Variants in GFOD2 observed in about 807,000 individuals in gnomAD.
GFOD2 encodes the protein Gfo/Idh/MocA-like oxidoreductase domain containing 2.
GFOD2 carries 9 observed loss-of-function variants against 24.6 expected under a neutral mutation model. The ratio of observed to expected loss-of-function variants is 0.37; its 90% CI spans 0.22 to 0.64. The LOEUF (loss-of-function observed/expected upper bound fraction) is 0.64, where lower values mean the gene tolerates loss of function less well. GFOD2 is among the 30% of genes least tolerant of loss of function. GFOD2 has a pLI of 0.65. For synonymous variants in GFOD2, 211 were observed against 224.8 expected, an observed-to-expected ratio of 0.94 and a Z score of 0.55; for missense variants, 476 against 532.5, an observed-to-expected ratio of 0.89 and a Z score of 1.04.
rs771890577 is a variant in GFOD2 at position 67,675,203 on chromosome 16, G to A, written c.1110C>T (p.Pro370=). The A allele has an allele frequency of 1.3e-5, 21 of 1,613,750 alleles. No individual in the cohort carries two copies. The highest frequency in any genetic ancestry group is 6.7e-5 in the African/African-American group (5 of 74,918). ...CCTCACACAGGTTCTGGTTGGTGTC[G>A]GGCTCCTCCGTCAGCACCTCCACAG... ...WEAVEVLTEE[P]DTNQNLCEAL... The change falls in exon 3 of 3, where the codon CCC becomes CCT. Residue 370 remains proline (P), a synonymous_variant. Coordinates refer to ENST00000268797, the MANE Select transcript of GFOD2 (RefSeq NM_030819.4).
intron 1 of GFOD2, among the ~76,000 whole-genome samples, chr16:67,693,674 A>T (rs1052643643): frequency 7.9e-5 from 12 of 152,206 alleles, no homozygotes; most frequent in Non-Finnish European, 1.5e-4. Context: ...GTATTGTGCA[A>T]CCATCACCAA....
At chr16:67,676,377 A>G (rs1350235318) in intron 2 of GFOD2, 2 of 302,002 alleles carry the variant, frequency 6.6e-6, no homozygotes, top group Non-Finnish European at 1.2e-5. Flanking sequence ...TTGGCCTCCC[A>G]AAGTGCTGAG....
At chr16:67,702,060 T>A (rs2053406047) in intron 1 of GFOD2, among the ~76,000 whole-genome samples, 1 of 152,178 alleles carries the variant, frequency 6.6e-6, no homozygotes, top group African/African-American at 2.4e-5. Context: ...TTTTTGTAAA[T>A]AGTTCTATGG....
In GFOD2 at chr16:67,685,689, C is replaced by G; in HGVS notation, c.27G>C (p.Val9=). 6.2e-7 allele frequency: 1 copy of G among 1,613,100 alleles called. No homozygotes were observed. Among genetic ancestry groups the G allele is most frequent in the Non-Finnish European group, 8.5e-7 (1 of 1,179,768 alleles). The change falls in exon 2 of 3, where the codon GTG becomes GTC. Residue 9 remains valine, a synonymous_variant. Transcript: ENST00000268797. MKMLPGVG[V]FGTGSSARVL... is the part of the protein sequence containing the mutation. ...CTCGGGCGGAGCTGCCAGTCCCAAACACGCCCACTCCTGGCAGCATCTTCA... is the reference window on the plus strand; with the variant it reads ...CTCGGGCGGAGCTGCCAGTCCCAAAGACGCCCACTCCTGGCAGCATCTTCA...
intron 1 of GFOD2, among the ~76,000 whole-genome samples, chr16:67,701,931 C>G (rs896550311): frequency 1.3e-5 from 2 of 152,090 alleles, no homozygotes; most frequent in African/African-American, 4.8e-5. Flanking sequence ...TTTTCCCAGA[C>G]TGCCTGAACA....
chr16:67,691,667 T>TC (rs1175249171), intron 1 of GFOD2, among the ~76,000 whole-genome samples: 1 of 152,032 alleles, frequency 6.6e-6, no homozygotes, highest in Non-Finnish European at 1.5e-5. Context: ...CAGGAGCTCC[T>TC]CCCTCTGCAC....
chr16:67,682,061 G>A (rs1290120310), intron 2 of GFOD2: 2 of 206,304 alleles, frequency 9.7e-6, no homozygotes, highest in Non-Finnish European at 1.7e-5. Flanking sequence ...TTTTTGAGAT[G>A]GAGTCTCGCT....
chr16:67,687,808 TA>T (rs11302700), intron 1 of GFOD2, among the ~76,000 whole-genome samples: 108,197 of 121,484 alleles, frequency 0.89, 48,092 homozygotes, highest in East Asian at 0.98. Context: ...CCATCTTTAC[TA>T]AAAAAAAAAA....
intron 2 of GFOD2, chr16:67,683,152 G>T: frequency 1.1e-6 from 1 of 938,816 alleles, no homozygotes; most frequent in Non-Finnish European, 1.3e-6. Context: ...TGTAGAGACG[G>T]GATCCCACTA....
intron 1 of GFOD2, among the ~76,000 whole-genome samples, chr16:67,699,619 G>A (rs1174288079): frequency 6.6e-6 from 1 of 151,940 alleles, no homozygotes; most frequent in East Asian, 2.0e-4. Flanking sequence ...GAGCAGCTGG[G>A]ACCACAGATG....
chr16:67,689,489 C>G (rs890381775), intron 1 of GFOD2, among the ~76,000 whole-genome samples: 5 of 150,830 alleles, frequency 3.3e-5, no homozygotes, highest in Middle Eastern at 3.5e-3. Context: ...TGACCAACAT[C>G]GTGAAACCCC....
Position 67,675,981 on chromosome 16 carries a change from C to G in GFOD2, c.332G>C (p.Arg111Pro). Residue 111 changes from arginine to proline, a missense_variant, in exon 3 of 3, where the codon CGC (arginine) becomes CCC (proline). Transcript: ENST00000268797. ...VDAFRMVTAS[R>P]YYPQLMSLVG... ...CAGGCTCATGAGCTGCGGGTAGTAG[C>G]GCGAGGCTGTCACCATCCGGAAGGC... 1 of 1,614,178 alleles carries G rather than the reference C, an allele frequency of 6.2e-7. No homozygotes were observed. Among genetic ancestry groups the G allele is most frequent in the Non-Finnish European group, 8.5e-7 (1 of 1,180,026 alleles).
In GFOD2 at chr16:67,706,049, C is replaced by G. The variant is rs141389395; in HGVS notation, c.-88+13114G>C. Among the ~76,000 whole-genome samples, 337 of 134,034 alleles carry G rather than the reference C, an allele frequency of 2.5e-3. 1 individual carries two copies. The highest frequency in any genetic ancestry group is 8.7e-3 in the African/African-American group (309 of 35,714). 87.9% of individuals were successfully genotyped at this position (134,034 alleles called of 152,430 possible). ...CCAGGCTGGAGTGCAGTAGTGCAAT[C>G]TCAGCTCACTGCAACCTCCGCCTCC... On this transcript the variant is annotated intron_variant, in intron 1 of 2. Coordinates refer to ENST00000268797, the MANE Select transcript of GFOD2 (RefSeq NM_030819.4).
intron 1 of GFOD2, among the ~76,000 whole-genome samples, chr16:67,692,922 C>T (rs1379045339): frequency 3.3e-5 from 5 of 151,326 alleles, no homozygotes; most frequent in African/African-American, 9.7e-5. Flanking sequence ...CCCAGCTACT[C>T]GGGAGGCTGA....
At chr16:67,693,508 G>A (rs2053332365) in intron 1 of GFOD2, among the ~76,000 whole-genome samples, 1 of 152,144 alleles carries the variant, frequency 6.6e-6, no homozygotes, top group South Asian at 2.1e-4. Context: ...CTGGGCTCAA[G>A]CAATCCTCCT....
At chr16:67,676,182 G>A in intron 2 of GFOD2, 129 bp from the exon 3 acceptor site, 2 of 890,630 alleles carry the variant, frequency 2.2e-6, no homozygotes, top group Non-Finnish European at 3.3e-6. Context: ...CTTTTTTGTA[G>A]AGGTGGGGTC....
chr16:67,683,714 T>C (rs758333605), intron 2 of GFOD2: 21 of 1,229,698 alleles, frequency 1.7e-5, no homozygotes, highest in Non-Finnish European at 2.1e-5. Context: ...ACAGACACCT[T>C]CCTATGACAT....
intron 2 of GFOD2, among the ~76,000 whole-genome samples, chr16:67,679,201 C>T (rs2053205323): frequency 6.6e-6 from 1 of 151,398 alleles, no homozygotes; most frequent in Admixed American, 6.6e-5. Flanking sequence ...CACATAGAAA[C>T]TACATTTTCC....
intron 1 of GFOD2, among the ~76,000 whole-genome samples, chr16:67,712,431 G>A (rs1236942822): frequency 3.6e-5 from 5 of 139,300 alleles, no homozygotes; most frequent in African/African-American, 5.4e-5. Context: ...GATTGCAGGC[G>A]CGCACCGCCA....
Sources: allele counts gnomAD v4.1 joint callset (sites outside exome capture counted in the v4.1 genomes callset), GRCh38; gene constraint gnomAD v4.1.1; transcripts MANE v1.5; gene names NCBI Gene and HGNC (gene_info 2026-07-23, HGNC 2026-07-21).